Variants in GOSR1 observed in about 807,000 individuals in gnomAD.
The protein encoded by GOSR1 is golgi SNAP receptor complex member 1.
A neutral mutation model predicts 35.5 loss-of-function variants in GOSR1; 21 were observed. That is an observed-to-expected ratio of 0.59 (90% CI 0.42 to 0.85). The LOEUF is 0.85. GOSR1 is among the 40% of genes least tolerant of loss of function. The pLI is 0.00. For missense variants in GOSR1, 285 were observed against 309.6 expected, an observed-to-expected ratio of 0.92 and a Z score of 0.60; for synonymous variants, 94 against 106.6, an observed-to-expected ratio of 0.88 and a Z score of 0.73.
rs188394603 is a variant in GOSR1 at position 30,485,116 on chromosome 17, A to G, written c.342+346A>G. On this transcript the variant is annotated intron_variant, in intron 4 of 8. Coordinates refer to ENST00000451249, the MANE Select transcript of GOSR1 (RefSeq NM_001007025.2). ...GGTGGGTAAGCGTGTACTTTCAGCT[A>G]GCTTTGAAGATAATATGGAGGGGGA... 428 of 342,320 alleles carry G rather than the reference A, an allele frequency of 1.3e-3. 1 individual carries two copies. Among genetic ancestry groups the G allele is most frequent in the African/African-American group, 8.5e-3 (402 of 47,288 alleles). 21.2% of individuals were successfully genotyped at this position (342,320 alleles called of 1,614,324 possible).
intron 8 of GOSR1, among the ~76,000 whole-genome samples, chr17:30,520,831 T>G (rs1228134691): frequency 6.6e-6 from 1 of 152,260 alleles, no homozygotes; most frequent in Non-Finnish European, 1.5e-5. Flanking sequence ...TCCAGTCCAC[T>G]GTGAATTTTG....
At chr17:30,504,889 C>A (rs766551365) in intron 6 of GOSR1, among the ~76,000 whole-genome samples, 2 of 152,178 alleles carry the variant, frequency 1.3e-5, no homozygotes, top group Non-Finnish European at 2.9e-5. Flanking sequence ...TTAGTTCTGA[C>A]CTCTATGGTT....
At chr17:30,504,949 G>T (rs986705857) in intron 6 of GOSR1, among the ~76,000 whole-genome samples, 1 of 152,250 alleles carries the variant, frequency 6.6e-6, no homozygotes, top group African/African-American at 2.4e-5. Flanking sequence ...AAATGATAAA[G>T]TGTACCTGGC....
intron 4 of GOSR1, among the ~76,000 whole-genome samples, chr17:30,488,318 C>T (rs1016457719): frequency 1.1e-4 from 17 of 151,302 alleles, no homozygotes; most frequent in Non-Finnish European, 2.2e-4. Context: ...GCGCTCGCCA[C>T]CATGCCCGGC....
chr17:30,522,329 G>A lies in GOSR1; in HGVS notation c.698G>A (p.Gly233Asp). 2 of 1,610,144 alleles carry A rather than the reference G, an allele frequency of 1.2e-6. No homozygotes were observed. The highest frequency in any genetic ancestry group is 1.7e-6 in the Non-Finnish European group (2 of 1,177,822). The stretch of plus-strand genomic sequence containing the variant: ...CGGCGGGACTCGCTCATCCTAGGGG[G>A]TGTTATTGGGATCTGTACCATCCTG... ...RKRRDSLILG[G>D]VIGICTILLL... The change falls in exon 9 of 9, where the codon GGT becomes GAT. Residue 233 changes from glycine to aspartate, a missense_variant. Coordinates refer to ENST00000451249, the MANE Select transcript of GOSR1 (RefSeq NM_001007025.2).
intron 6 of GOSR1, among the ~76,000 whole-genome samples, chr17:30,505,755 CTT>C (rs891552079): frequency 6.6e-6 from 1 of 152,040 alleles, no homozygotes; most frequent in African/African-American, 2.4e-5. Context: ...GAGACAGGGT[CTT>C]TCTCAGTTGC....
chr17:30,490,018 T>C, intron 4 of GOSR1, 108 bp from the exon 5 acceptor site: 2 of 616,122 alleles, frequency 3.2e-6, no homozygotes, highest in Non-Finnish European at 3.0e-6. Context: ...ATTTCTTAAA[T>C]AGCAGTTTTC....
At chr17:30,513,158 T>C (rs1193586051) in intron 7 of GOSR1, among the ~76,000 whole-genome samples, 1 of 152,210 alleles carries the variant, frequency 6.6e-6, no homozygotes, top group Non-Finnish European at 1.5e-5. Flanking sequence ...AGATACATTT[T>C]AAAACTATGT....
chr17:30,477,924 G>A (rs1914053725), intron 1 of GOSR1: 1 of 983,710 alleles, frequency 1.0e-6, no homozygotes. Context: ...TTGCATTCCG[G>A]TCCGTCGGAG....
intron 8 of GOSR1, 146 bp from the exon 9 acceptor site, chr17:30,522,108 C>G: frequency 1.5e-6 from 1 of 652,286 alleles, no homozygotes; most frequent in Non-Finnish European, 2.6e-6. Flanking sequence ...GCAACTGCAT[C>G]TGCTAAAGAT....
Position 30,524,419 on chromosome 17 carries a change from G to A in GOSR1, c.*2041G>A, listed in dbSNP as rs993941838. 6.6e-6 allele frequency: 1 copy of A among 152,148 alleles called. No homozygotes were observed. The highest frequency in any genetic ancestry group is 6.5e-5 in the Admixed American group (1 of 15,274). The allele number at this position is 152,148 out of a possible 1,614,324, so 9.4% of individuals were successfully genotyped here. On this transcript the variant is annotated 3_prime_UTR_variant, in exon 9 of 9. Coordinates refer to ENST00000451249, the MANE Select transcript of GOSR1 (RefSeq NM_001007025.2). ...AGCATGTTTGAGGTTGTCTGAAATGGAGATCACTGTAAAACTGTCTTTTTC... is the reference window on the plus strand; with the variant it reads ...AGCATGTTTGAGGTTGTCTGAAATGAAGATCACTGTAAAACTGTCTTTTTC...
At chr17:30,510,293 C>T (rs1967568353) in intron 6 of GOSR1, among the ~76,000 whole-genome samples, 1 of 150,410 alleles carries the variant, frequency 6.6e-6, no homozygotes, top group African/African-American at 2.4e-5. Flanking sequence ...AGGCTGGTCT[C>T]GAACTCCTGG....
rs981701753 is a variant in GOSR1, at chr17:30,525,014, C to T, written c.*2636C>T. Reference sequence around the variant, plus strand: ...GCCACCAGAATTCTTTTCGAGTTAACCATTTCTTAGTTTCTGTAAATTCAT... The same window carrying T: ...GCCACCAGAATTCTTTTCGAGTTAATCATTTCTTAGTTTCTGTAAATTCAT... On this transcript the variant is annotated 3_prime_UTR_variant, in exon 9 of 9. Coordinates refer to ENST00000451249, the MANE Select transcript of GOSR1 (RefSeq NM_001007025.2). 6.6e-6 allele frequency: 1 copy of T among 152,230 alleles called. No homozygotes were observed. The highest frequency in any genetic ancestry group is 1.5e-5 in the Non-Finnish European group (1 of 68,060). The allele number at this position is 152,230 out of a possible 1,614,324, so 9.4% of individuals were successfully genotyped here. A position where few individuals can be genotyped will look rare whatever the true frequency, so the allele number is the denominator to read the frequency against.
chr17:30,515,169 C>G (rs1056555366), intron 7 of GOSR1, among the ~76,000 whole-genome samples: 1 of 152,112 alleles, frequency 6.6e-6, no homozygotes, highest in Non-Finnish European at 1.5e-5. Context: ...TTGCTGTTAC[C>G]CAGGCTGGAG....
At chr17:30,483,458 C>G (rs1914481003) in intron 2 of GOSR1, among the ~76,000 whole-genome samples, 1 of 152,102 alleles carries the variant, frequency 6.6e-6, no homozygotes, top group Non-Finnish European at 1.5e-5. Context: ...AGCTTTAATT[C>G]TATTGGCATA....
At position 30,518,972 on chromosome 17, in the gene GOSR1, A is replaced by G. The variant is rs181740621; in HGVS notation, c.540-967A>G. Among the ~76,000 whole-genome samples the G allele has an allele frequency of 5.3e-3, 774 of 147,302 alleles. 4 individuals carry two copies. The highest frequency in any genetic ancestry group is 0.029 in the South Asian group (126 of 4,402). ...CCCCAACCCCCCCCAAAAAAAGGAT[A>G]TTAACTCAAGAGATCTTTTAAACAG... On this transcript the variant is annotated intron_variant, in intron 7 of 8. Coordinates refer to ENST00000451249, the MANE Select transcript of GOSR1 (RefSeq NM_001007025.2).
Position 30,522,517 on chromosome 17 carries a change from CTG to C in GOSR1, c.*142_*143del. On this transcript the variant is annotated 3_prime_UTR_variant, in exon 9 of 9. Transcript: ENST00000451249. ...AATGCAAGACTGACAGTGATGGACT[CTG>C]TGACATGGTCAGGTTGAGCTGAAGC... 1 of 551,722 alleles carries C rather than the reference CTG, an allele frequency of 1.8e-6. No homozygotes were observed. Among genetic ancestry groups the C allele is most frequent in the Non-Finnish European group, 3.0e-6 (1 of 329,926 alleles). The allele number at this position is 551,722 out of a possible 1,614,324, so 34.2% of individuals were successfully genotyped here.
chr17:30,506,285 A>G (rs1326606278), intron 6 of GOSR1, among the ~76,000 whole-genome samples: 1 of 152,224 alleles, frequency 6.6e-6, no homozygotes, highest in Non-Finnish European at 1.5e-5. Flanking sequence ...CCCGTTAGCC[A>G]AGTTGTGAAA....
chr17:30,483,855 G>A (rs8081610), intron 2 of GOSR1, among the ~76,000 whole-genome samples: 7,886 of 152,298 alleles, frequency 0.052, 650 homozygotes, highest in African/African-American at 0.17. Flanking sequence ...AAGGATGATT[G>A]CATACTGTAA....
Sources: gnomAD v4.1 joint callset for allele counts (sites outside exome capture counted in the v4.1 genomes callset) on GRCh38, gnomAD v4.1.1 for gene constraint, MANE v1.5 for transcripts, NCBI Gene and HGNC (gene_info 2026-07-23, HGNC 2026-07-21) for gene names.